The following PLCB1 variants were observed in gnomAD, a reference collection of about 807,000 sequenced individuals.
PLCB1 encodes the protein 1-phosphatidylinositol 4,5-bisphosphate phosphodiesterase beta-1.
In PLCB1, 46 loss-of-function variants were observed where a neutral mutation model predicts 161.8. The ratio of observed to expected loss-of-function variants is 0.28; its 90% CI spans 0.22 to 0.36. The LOEUF (loss-of-function observed/expected upper bound fraction) is 0.36, where lower values mean the gene tolerates loss of function less well. Ranked by LOEUF, PLCB1 falls within the 10% of genes least tolerant of loss-of-function variation. The pLI is 1.00. For missense variants in PLCB1, 1,016 were observed against 1,472.5 expected (o/e 0.69, Z 5.07); for synonymous variants, 517 against 503.7 (o/e 1.03, Z -0.35).
intron 3 of PLCB1, among the ~76,000 whole-genome samples, chr20:8,611,515 T>C (rs983570209): frequency 2.6e-5 from 4 of 152,202 alleles, no homozygotes; most frequent in African/African-American, 9.7e-5. Context: ...TATGACTTTA[T>C]TTTAATAATA....
intron 2 of PLCB1, among the ~76,000 whole-genome samples, chr20:8,187,739 A>G (rs948853842): frequency 6.6e-6 from 1 of 152,148 alleles, no homozygotes; most frequent in Non-Finnish European, 1.5e-5. Flanking sequence ...ATGATGGATG[A>G]GTTCCTGACA....
intron 2 of PLCB1, among the ~76,000 whole-genome samples, chr20:8,194,137 C>G (rs2051999384): frequency 6.6e-6 from 1 of 151,982 alleles, no homozygotes; most frequent in African/African-American, 2.4e-5. Context: ...TTATTTTGAT[C>G]TTTATGGTGT....
intron 3 of PLCB1, among the ~76,000 whole-genome samples, chr20:8,622,874 A>G (rs1280374385): frequency 1.3e-5 from 2 of 152,180 alleles, no homozygotes; most frequent in Non-Finnish European, 2.9e-5. Flanking sequence ...GGGTTTTGCC[A>G]TTACTTTTGC....
chr20:8,651,255 A>G (rs562078393), intron 7 of PLCB1, among the ~76,000 whole-genome samples: 3 of 152,284 alleles, frequency 2.0e-5, no homozygotes, highest in African/African-American at 4.8e-5. Flanking sequence ...CCATTCTTAG[A>G]CTTATGATTG....
chr20:8,324,344 C>G (rs1168799964), intron 2 of PLCB1, among the ~76,000 whole-genome samples: 2 of 151,876 alleles, frequency 1.3e-5, no homozygotes, highest in African/African-American at 2.4e-5. Flanking sequence ...AAGAGTCAGG[C>G]AAAAGTTCCC....
chr20:8,302,406 C>G (rs982736388), intron 2 of PLCB1, among the ~76,000 whole-genome samples: 3 of 152,194 alleles, frequency 2.0e-5, no homozygotes, highest in African/African-American at 7.2e-5. Flanking sequence ...ACCCTGGCAA[C>G]TTGATAATGT....
Position 8,206,234 on chromosome 20 carries a change from T to G in PLCB1, c.177+55863T>G, listed in dbSNP as rs531884417. ...AGTGGCTTTGGTTTTAAGGTAAACA[T>G]TCTTTCAGCATTTCTCATCCTTCTC... On this transcript the variant is annotated intron_variant, in intron 2 of 31. Transcript: ENST00000338037. 1.4e-4 allele frequency among the ~76,000 whole-genome samples: 21 copies of G among 152,306 alleles called. No individual in the cohort carries two copies. The South Asian group carries it at 3.7e-3, about 27-fold the overall frequency.
chr20:8,441,587 C>T (rs1205923103), intron 3 of PLCB1, among the ~76,000 whole-genome samples: 2 of 152,108 alleles, frequency 1.3e-5, no homozygotes, highest in Non-Finnish European at 2.9e-5. Flanking sequence ...TAAATACAGA[C>T]GGTTTTGCAT....
At chr20:8,659,931 G>T (rs1027956429) in intron 9 of PLCB1, among the ~76,000 whole-genome samples, 1 of 149,436 alleles carries the variant, frequency 6.7e-6, no homozygotes, top group East Asian at 2.0e-4. Context: ...GGCAGAGGTT[G>T]CAGTGAGCCG....
At chr20:8,492,358 AT>A (rs1982982797) in intron 3 of PLCB1, among the ~76,000 whole-genome samples, 1 of 152,136 alleles carries the variant, frequency 6.6e-6, no homozygotes, top group Non-Finnish European at 1.5e-5. Context: ...TGTTAACTGC[AT>A]CTTCCAAATT....
At chr20:8,168,024 G>A (rs2051692903) in intron 2 of PLCB1, among the ~76,000 whole-genome samples, 1 of 152,054 alleles carries the variant, frequency 6.6e-6, no homozygotes, top group African/African-American at 2.4e-5. Flanking sequence ...TGTCCCATGT[G>A]GTCTCTCATC....
chr20:8,814,587 G>GTGTA (rs72101213), intron 31 of PLCB1, among the ~76,000 whole-genome samples: 1 of 151,522 alleles, frequency 6.6e-6, no homozygotes, highest in East Asian at 1.9e-4. Context: ...ATGTGTGTGT[G>GTGTA]TGTGTGTGTG....
intron 3 of PLCB1, among the ~76,000 whole-genome samples, chr20:8,420,506 T>C (rs1292924467): frequency 3.9e-5 from 6 of 152,116 alleles, no homozygotes; most frequent in African/African-American, 7.2e-5. Flanking sequence ...CAGAGCCCAA[T>C]AGATAATTTG....
At chr20:8,232,712 C>T (rs1179561205) in intron 2 of PLCB1, among the ~76,000 whole-genome samples, 1 of 152,152 alleles carries the variant, frequency 6.6e-6, no homozygotes, top group Non-Finnish European at 1.5e-5. Context: ...CCCAGTGTTA[C>T]CTGATATGTC....
intron 2 of PLCB1, among the ~76,000 whole-genome samples, chr20:8,241,097 C>T (rs2123204263): frequency 6.6e-6 from 1 of 152,006 alleles, no homozygotes; most frequent in South Asian, 2.1e-4. Flanking sequence ...TGGGTATTTC[C>T]TAATGTAATT....
At chr20:8,555,981 AT>A (rs5840271) in intron 3 of PLCB1, among the ~76,000 whole-genome samples, 1 of 151,670 alleles carries the variant, frequency 6.6e-6, no homozygotes, top group Non-Finnish European at 1.5e-5. Context: ...GTCAGAAATG[AT>A]TTTTTTTAAT....
chr20:8,376,653 G>A (rs1380692997), intron 3 of PLCB1, among the ~76,000 whole-genome samples: 1 of 152,208 alleles, frequency 6.6e-6, no homozygotes, highest in Admixed American at 6.5e-5. Context: ...AATCAGCCGG[G>A]CGCAGTGGCT....
At chr20:8,822,689 T>G (rs1357899065) in intron 31 of PLCB1, among the ~76,000 whole-genome samples, 1 of 152,140 alleles carries the variant, frequency 6.6e-6, no homozygotes, top group Non-Finnish European at 1.5e-5. Context: ...TAAACAATAG[T>G]CCCTCATCTT....
intron 3 of PLCB1, among the ~76,000 whole-genome samples, chr20:8,496,459 G>A (rs1047648504): frequency 1.4e-4 from 21 of 152,352 alleles, no homozygotes; most frequent in South Asian, 1.2e-3. Flanking sequence ...AGCAGTGATC[G>A]CGCCACTGCG....
Sources: allele counts gnomAD v4.1 joint callset (sites outside exome capture counted in the v4.1 genomes callset), GRCh38; gene constraint gnomAD v4.1.1; transcripts MANE v1.5; gene names NCBI Gene and HGNC (gene_info 2026-07-23, HGNC 2026-07-21).